The following GSTO2 variants were observed in gnomAD, a reference collection of about 807,000 sequenced individuals.
GSTO2 encodes the protein glutathione S-transferase omega 2, also known as glutathione S-transferase omega-2.
Under a neutral mutation model 28.4 loss-of-function variants are expected in GSTO2, and 23 were observed. That is an observed-to-expected ratio of 0.81 (90% CI 0.58 to 1.15). The LOEUF is 1.15. Ranked by LOEUF, GSTO2 falls within the 50% of genes most tolerant of loss-of-function variation. GSTO2 has a pLI of 0.00. For missense variants in GSTO2, 298 were observed against 297.8 expected (o/e 1.00, Z 0.00); for synonymous variants, 109 against 111.0 (o/e 0.98, Z 0.11).
At chr10:104,270,780 C>T (rs2011363124) in intron 1 of GSTO2, among the ~76,000 whole-genome samples, 2 of 152,234 alleles carry the variant, frequency 1.3e-5, no homozygotes, top group African/African-American at 2.4e-5. Flanking sequence ...CTGCTACTAT[C>T]AAGAGATGGC....
At chr10:104,285,115 C>T (rs140446370) in intron 5 of GSTO2, among the ~76,000 whole-genome samples, 1 of 152,242 alleles carries the variant, frequency 6.6e-6, no homozygotes, top group Non-Finnish European at 1.5e-5. Context: ...CAGAGTTTCC[C>T]GCATTGCCAA....
intron 1 of GSTO2, among the ~76,000 whole-genome samples, chr10:104,272,550 AT>A (rs1257206913): frequency 7.8e-6 from 1 of 127,710 alleles, no homozygotes; most frequent in Admixed American, 9.8e-5. Context: ...CAGTTTACTC[AT>A]CTTTTAAAGT....
intron 5 of GSTO2, among the ~76,000 whole-genome samples, chr10:104,281,548 T>A (rs1236035437): frequency 6.6e-6 from 1 of 152,202 alleles, no homozygotes; most frequent in African/African-American, 2.4e-5. Flanking sequence ...GAGATACAGT[T>A]CTTCTTCAGT....
rs1284372360 is a variant in GSTO2, at chr10:104,300,195, AG to A, written c.*912del. ...TTTATCACCCAGGACTAACTACGTC[AG>A]AATTTCACTGGTGCTGTCAGGGCTC... On this transcript the variant is annotated 3_prime_UTR_variant, in exon 7 of 7. Coordinates refer to ENST00000338595, the MANE Select transcript of GSTO2 (RefSeq NM_183239.2). The A allele has an allele frequency of 3.3e-5, 5 of 152,254 alleles. No homozygotes were observed. The allele number at this position is 152,254 out of a possible 1,614,324, so 9.4% of individuals were successfully genotyped here.
chr10:104,282,240 A>AAG (rs2012108211), intron 5 of GSTO2, among the ~76,000 whole-genome samples: 2 of 134,108 alleles, frequency 1.5e-5, no homozygotes, highest in Non-Finnish European at 3.0e-5. Context: ...AAAAAAAAAA[A>AAG]AAAGAAAAGA....
rs894964212 is a variant in GSTO2, at chr10:104,302,985, A to T, written c.*3701A>T. 6.6e-6 allele frequency: 1 copy of T among 152,172 alleles called. No individual in the cohort carries two copies. The highest frequency in any genetic ancestry group is 1.5e-5 in the Non-Finnish European group (1 of 68,034). The allele number at this position is 152,172 out of a possible 1,614,324, so 9.4% of individuals were successfully genotyped here. On this transcript the variant is annotated 3_prime_UTR_variant, in exon 7 of 7. Coordinates refer to ENST00000338595, the MANE Select transcript of GSTO2 (RefSeq NM_183239.2). ...TTAAGTTCAGGGGTACATGTGCAGGATGTGCAGGTTCGTTCCATAGGTAAA... is the reference window on the plus strand; with the variant it reads ...TTAAGTTCAGGGGTACATGTGCAGGTTGTGCAGGTTCGTTCCATAGGTAAA...
At chr10:104,295,499 G>C (rs1230717278) in intron 5 of GSTO2, 2 of 152,254 alleles carry the variant, frequency 1.3e-5, no homozygotes, top group Non-Finnish European at 2.9e-5. Context: ...TCAGGGGCCT[G>C]TGTTCCCACT....
intron 5 of GSTO2, chr10:104,286,138 A>G (rs901143600): frequency 5.9e-6 from 1 of 170,718 alleles, no homozygotes; most frequent in African/African-American, 2.4e-5. Flanking sequence ...TTTCCAGTGT[A>G]CAATTCACTG....
In GSTO2 at chr10:104,275,289, C is replaced by G. The variant is rs1414862610; in HGVS notation, c.98C>G (p.Pro33Arg). Residue 33 changes from proline to arginine, a missense_variant, in exon 3 of 7, where the codon CCC becomes CGC. By Grantham distance (103) the Pro-to-Arg change is moderately radical. Coordinates refer to ENST00000338595, the MANE Select transcript of GSTO2 (RefSeq NM_183239.2). ...CGCATCTACAGCATGAGGTTCTGCC[C>G]CTATTCTCACAGGACCCGCCTCGTC... ...LIRIYSMRFCPYSHRTRLVLK... is the reference protein window; with the variant it reads ...LIRIYSMRFCRYSHRTRLVLK... 2.5e-6 allele frequency: 4 copies of G among 1,614,090 alleles called. No individual in the cohort carries two copies. The highest frequency in any genetic ancestry group is 3.4e-6 in the Non-Finnish European group (4 of 1,180,010).
intron 5 of GSTO2, 165 bp from the exon 6 acceptor site, chr10:104,297,413 A>G: frequency 1.9e-6 from 1 of 513,750 alleles, no homozygotes; most frequent in Non-Finnish European, 3.6e-6. Flanking sequence ...AAAGAGGCAG[A>G]GGAGACCTCA....
chr10:104,286,484 G>A (rs976077499), intron 5 of GSTO2, among the ~76,000 whole-genome samples: 9 of 152,168 alleles, frequency 5.9e-5, no homozygotes, highest in Admixed American at 6.5e-5. Flanking sequence ...ATCTGGGAAG[G>A]TTCCACTCTT....
chr10:104,304,054 G>A lies in GSTO2; in HGVS notation c.*4770G>A, dbSNP rs1480404916. 1 of 152,226 alleles carries A rather than the reference G, an allele frequency of 6.6e-6. No individual in the cohort carries two copies. Among genetic ancestry groups the A allele is most frequent in the Non-Finnish European group, 1.5e-5 (1 of 68,054 alleles). 9.4% of individuals were successfully genotyped at this position (152,226 alleles called of 1,614,324 possible). Reference sequence around the variant, plus strand: ...TCTGAGTTGAGAAGCAAGCTTGACTGCCCTGTGGTTTATATCAGCCTAGCT... The same window carrying A: ...TCTGAGTTGAGAAGCAAGCTTGACTACCCTGTGGTTTATATCAGCCTAGCT... On this transcript the variant is annotated 3_prime_UTR_variant, in exon 7 of 7. Coordinates refer to ENST00000338595, the MANE Select transcript of GSTO2 (RefSeq NM_183239.2).
At chr10:104,293,287 C>T (rs1381296324) in intron 5 of GSTO2, among the ~76,000 whole-genome samples, 1 of 152,042 alleles carries the variant, frequency 6.6e-6, no homozygotes, top group African/African-American at 2.4e-5. Context: ...TTTTCTGTTA[C>T]TTAAATTTAA....
intron 5 of GSTO2, among the ~76,000 whole-genome samples, chr10:104,280,822 A>G (rs1177756195): frequency 6.6e-6 from 1 of 152,186 alleles, no homozygotes; most frequent in Non-Finnish European, 1.5e-5. Context: ...CTTCCATTTG[A>G]CCTTTATCAA....
intron 5 of GSTO2, chr10:104,295,044 A>G (rs2012960064): frequency 6.6e-6 from 1 of 152,154 alleles, no homozygotes; most frequent in Admixed American, 6.5e-5. Flanking sequence ...GCTTGGTGTA[A>G]ATTTGGTTCT....
At chr10:104,294,305 G>C (rs1343301644) in intron 5 of GSTO2, among the ~76,000 whole-genome samples, 4 of 152,148 alleles carry the variant, frequency 2.6e-5, no homozygotes, top group Admixed American at 2.6e-4. Flanking sequence ...ATGAGTTTCA[G>C]GGGTCCTTCC....
At chr10:104,286,662 A>G (rs572938479) in intron 5 of GSTO2, among the ~76,000 whole-genome samples, 1 of 152,312 alleles carries the variant, frequency 6.6e-6, no homozygotes, top group East Asian at 1.9e-4. Flanking sequence ...CTGACTCAGG[A>G]TGCCTCGTTA....
intron 5 of GSTO2, among the ~76,000 whole-genome samples, chr10:104,294,463 G>A (rs962836066): frequency 3.9e-5 from 6 of 152,192 alleles, no homozygotes; most frequent in Admixed American, 2.0e-4. Context: ...GTTCTCCTAC[G>A]TCTGTAAAGG....
chr10:104,278,407 C>G (rs1357880516), intron 4 of GSTO2, among the ~76,000 whole-genome samples: 1 of 152,188 alleles, frequency 6.6e-6, no homozygotes, highest in South Asian at 2.1e-4. Flanking sequence ...AACTGGTGAT[C>G]CTTAAAGGGA....
Sources: gnomAD v4.1 joint callset for allele counts (sites outside exome capture counted in the v4.1 genomes callset) on GRCh38, gnomAD v4.1.1 for gene constraint, MANE v1.5 for transcripts, NCBI Gene and HGNC (gene_info 2026-07-23, HGNC 2026-07-21) for gene names.